ACTN4: variants seen among roughly 807,000 people sequenced by gnomAD.
ACTN4 encodes alpha-actinin-4.
Under a neutral mutation model 114.2 loss-of-function variants are expected in ACTN4, and 18 were observed. The observed-to-expected ratio is 0.16, with a 90% CI of 0.11 to 0.23. The LOEUF (loss-of-function observed/expected upper bound fraction) is 0.23, where lower values mean the gene tolerates loss of function less well. Ranked by LOEUF, ACTN4 falls within the 10% of genes least tolerant of loss-of-function variation. The pLI is 1.00. For synonymous variants in ACTN4, 515 were observed against 506.3 expected, an observed-to-expected ratio of 1.02 and a Z score of -0.23; for missense variants, 722 against 1,262.9, an observed-to-expected ratio of 0.57 and a Z score of 6.49.
At chr19:38,711,443 T>A in intron 8 of ACTN4, 1 of 719,726 alleles carries the variant, frequency 1.4e-6, no homozygotes, top group Non-Finnish European at 1.7e-6. Context: ...TGGCCATCTG[T>A]GGTTGGAGCC....
In ACTN4 at chr19:38,710,357, C is replaced by T. The variant is rs1236920855; in HGVS notation, c.819+15C>T. On this transcript the variant is annotated intron_variant, in intron 8 of 20. Transcript: ENST00000252699. ...GAGCGCAGAAGGTACCGAGCAGGGC[C>T]AGGCAGGCCCTCCTCGCCGCCACCG... 1 of 1,612,376 alleles carries T rather than the reference C, an allele frequency of 6.2e-7. No homozygotes were observed. The highest frequency in any genetic ancestry group is 1.3e-5 in the African/African-American group (1 of 74,944).
Position 38,721,693 on chromosome 19 carries a change from G to T in ACTN4, c.1442+5G>T, listed in dbSNP as rs1369102378. ...CGCCATTGCCCAGGAGCTCAAGTAC[G>T]TGCGGGCTCAGGACACTATCATCAC... On this transcript the variant is annotated splice_donor_5th_base_variant and intron_variant, in intron 12 of 20. Coordinates refer to ENST00000252699, the MANE Select transcript of ACTN4 (RefSeq NM_004924.6). The T allele has an allele frequency of 1.2e-6, 2 of 1,612,206 alleles. No individual in the cohort carries two copies. Among genetic ancestry groups the T allele is most frequent in the Non-Finnish European group, 1.7e-6 (2 of 1,180,014 alleles).
intron 1 of ACTN4, among the ~76,000 whole-genome samples, chr19:38,667,368 C>CTA: frequency 6.6e-6 from 1 of 151,972 alleles, no homozygotes; most frequent in Middle Eastern, 3.4e-3. Flanking sequence ...TTAGCAGTCT[C>CTA]TAAAGAGGCG....
intron 1 of ACTN4, among the ~76,000 whole-genome samples, chr19:38,669,954 A>C (rs1431606294): frequency 6.6e-6 from 1 of 152,130 alleles, no homozygotes; most frequent in Non-Finnish European, 1.5e-5. Context: ...CAATGTATGG[A>C]AACTTCAGTC....
chr19:38,711,093 A>T (rs1306099123), intron 8 of ACTN4: 1 of 158,426 alleles, frequency 6.3e-6, no homozygotes, highest in Non-Finnish European at 1.4e-5. Flanking sequence ...CGGTTAGAAA[A>T]GGAATGCACC....
chr19:38,660,396 T>A (rs979044857), intron 1 of ACTN4, among the ~76,000 whole-genome samples: 2 of 151,866 alleles, frequency 1.3e-5, no homozygotes, highest in African/African-American at 4.8e-5. Context: ...TGGTTTTTGT[T>A]TTTTTTTCTT....
intron 11 of ACTN4, among the ~76,000 whole-genome samples, chr19:38,721,281 C>T (rs1969031631): frequency 6.6e-6 from 1 of 152,218 alleles, no homozygotes; most frequent in African/African-American, 2.4e-5. Flanking sequence ...GTTTAGGACA[C>T]ACAGGTTGAG....
At chr19:38,687,259 C>G (rs1359638019) in intron 1 of ACTN4, among the ~76,000 whole-genome samples, 1 of 152,140 alleles carries the variant, frequency 6.6e-6, no homozygotes, top group Non-Finnish European at 1.5e-5. Flanking sequence ...AGGCGTGAGC[C>G]CCTGCACCCA....
intron 3 of ACTN4, among the ~76,000 whole-genome samples, chr19:38,704,708 C>T (rs1968398609): frequency 6.6e-6 from 1 of 152,226 alleles, no homozygotes; most frequent in Non-Finnish European, 1.5e-5. Context: ...TGGCCAGAAG[C>T]CTGCAGGCGC....
chr19:38,659,347 G>A (rs889307378), intron 1 of ACTN4, among the ~76,000 whole-genome samples: 14 of 151,970 alleles, frequency 9.2e-5, no homozygotes, highest in African/African-American at 3.4e-4. Flanking sequence ...ATGAGCCACC[G>A]CGCCCAGCCC....
Position 38,714,549 on chromosome 19 carries a change from G to A in ACTN4, c.900G>A (p.Lys300=). 3.1e-6 allele frequency: 5 copies of A among 1,613,988 alleles called. No homozygotes were observed. Among genetic ancestry groups the A allele is most frequent in the Non-Finnish European group, 3.4e-6 (4 of 1,180,026 alleles). The change falls in exon 9 of 21, where the codon AAG becomes AAA. Residue 300 remains lysine (K), a synonymous_variant. Coordinates refer to ENST00000252699, the MANE Select transcript of ACTN4 (RefSeq NM_004924.6). ...ENEHLMEDYE[K]LASDLLEWIR... is the part of the protein sequence containing the mutation. ...AGCACCTGATGGAGGACTACGAGAA[G>A]CTGGCCAGCGACGTGAGTGTTCCCC...
chr19:38,675,181 G>T (rs1260179829), intron 1 of ACTN4, among the ~76,000 whole-genome samples: 1 of 152,218 alleles, frequency 6.6e-6, no homozygotes, highest in East Asian at 1.9e-4. Flanking sequence ...GCACAAACTA[G>T]ATATTTTTGA....
At chr19:38,710,114 TGGCTGAG>T (rs1471087829) in intron 7 of ACTN4, 136 bp from the exon 8 acceptor site, 1 of 835,680 alleles carries the variant, frequency 1.2e-6, no homozygotes. Context: ...GCTGAGGGTG[TGGCTGAG>T]CCCACCCAAG....
intron 1 of ACTN4, among the ~76,000 whole-genome samples, chr19:38,680,263 C>T (rs958822906): frequency 2.9e-5 from 4 of 137,158 alleles, no homozygotes; most frequent in Middle Eastern, 3.8e-3. Context: ...GAGTCTCACT[C>T]AGTCGCCCAG....
At chr19:38,728,439 T>TCC in intron 19 of ACTN4, 1 of 922,202 alleles carries the variant, frequency 1.1e-6, no homozygotes, top group South Asian at 1.6e-5. Flanking sequence ...CTCCTCCTCC[T>TCC]CCTCCTCCTC....
intron 1 of ACTN4, among the ~76,000 whole-genome samples, chr19:38,659,060 C>CTTTT (rs1271131570): frequency 1.6e-5 from 1 of 62,200 alleles, no homozygotes; most frequent in African/African-American, 4.7e-5. Context: ...TTCTTCTTTT[C>CTTTT]TTTTCTTTTT....
At position 38,730,907 on chromosome 19, in the gene ACTN4, G is replaced by A. The variant is rs770110753; in HGVS notation, c.*1475G>A. On this transcript the variant is annotated 3_prime_UTR_variant, in exon 21 of 21. Coordinates refer to ENST00000252699, the MANE Select transcript of ACTN4 (RefSeq NM_004924.6). ...AGGAAGAGAAGGAAGACAGTGGCTT[G>A]AGGCAGGGAGCTCGCAGGACAGAGC... 4.5e-6 allele frequency: 7 copies of A among 1,550,724 alleles called. No individual in the cohort carries two copies. The highest frequency in any genetic ancestry group is 2.0e-5 in the Admixed American group (1 of 51,020).
chr19:38,728,253 G>T, intron 19 of ACTN4: 1 of 1,508,880 alleles, frequency 6.6e-7, no homozygotes. Context: ...TGTGCACATG[G>T]GGCGGCCCCT....
intron 1 of ACTN4, among the ~76,000 whole-genome samples, chr19:38,699,358 TC>T (rs1968193729): frequency 6.6e-6 from 1 of 152,206 alleles, no homozygotes; most frequent in Non-Finnish European, 1.5e-5. Flanking sequence ...TTCCAGTTGA[TC>T]ATCAGAAACA....
Sources: gnomAD v4.1 joint callset for allele counts (sites outside exome capture counted in the v4.1 genomes callset) on GRCh38, gnomAD v4.1.1 for gene constraint, MANE v1.5 for transcripts, NCBI Gene and HGNC (gene_info 2026-07-23, HGNC 2026-07-21) for gene names.